The following ARMH1 variants were observed in gnomAD, a reference collection of about 807,000 sequenced individuals.
ARMH1 encodes the protein armadillo like helical domain containing 1, also known as armadillo-like helical domain containing protein 1.
A neutral mutation model predicts 50.2 loss-of-function variants in ARMH1; 34 were observed. That is an observed-to-expected ratio of 0.68 (90% confidence interval 0.51 to 0.90). The LOEUF (loss-of-function observed/expected upper bound fraction) is 0.90. Among genes scored for constraint, ARMH1 ranks in the 40% least tolerant of loss-of-function variants. The pLI is 0.00. For missense variants in ARMH1, 538 were observed against 553.9 expected (o/e 0.97, Z 0.29); for synonymous variants, 221 against 224.2 (o/e 0.99, Z 0.13).
chr1:44,686,413 C>T (rs1206332595), intron 1 of ARMH1, among the ~76,000 whole-genome samples: 5 of 152,216 alleles, frequency 3.3e-5, no homozygotes, highest in Non-Finnish European at 4.4e-5. Context: ...CAGTGGCTCA[C>T]GCCTGTAATC....
intron 6 of ARMH1, among the ~76,000 whole-genome samples, chr1:44,707,211 C>G (rs1165022905): frequency 6.6e-6 from 1 of 152,104 alleles, no homozygotes; most frequent in Non-Finnish European, 1.5e-5. Context: ...ATCCTCAGCA[C>G]AGTCCCCAGC....
chr1:44,697,438 T>C (rs1645865447), intron 3 of ARMH1, among the ~76,000 whole-genome samples: 1 of 152,116 alleles, frequency 6.6e-6, no homozygotes, highest in Non-Finnish European at 1.5e-5. Context: ...AAAGGAAAAT[T>C]AGTGGCTCAC....
chr1:44,712,533 C>T (rs561984538), intron 6 of ARMH1, among the ~76,000 whole-genome samples: 4 of 108,662 alleles, frequency 3.7e-5, no homozygotes, highest in South Asian at 2.8e-4. Flanking sequence ...TACAGGGAAC[C>T]GCAAAAAAAA....
At chr1:44,706,667 G>A (rs992526295) in intron 6 of ARMH1, among the ~76,000 whole-genome samples, 3 of 152,130 alleles carry the variant, frequency 2.0e-5, no homozygotes, top group Admixed American at 2.0e-4. Flanking sequence ...TTTGACCCCT[G>A]CAAGGTCTGT....
chr1:44,724,476 G>A lies in ARMH1; in HGVS notation c.921-63G>A, dbSNP rs1052864739. The A allele has an allele frequency of 1.3e-6, 2 of 1,509,222 alleles. No individual in the cohort carries two copies. The highest frequency in any genetic ancestry group is 4.3e-5 in the Admixed American group (2 of 46,268). 93.5% of individuals were successfully genotyped at this position (1,509,222 alleles called of 1,614,324 possible). ...GCCCCGGGAGCGCTCCGTGCGCCGG[G>A]TGGGCGGGGGTGTGCGCCGGGTGAG... On this transcript the variant is annotated intron_variant, in intron 8 of 11. Coordinates refer to ENST00000535358, the MANE Select transcript of ARMH1 (RefSeq NM_001145636.2). The surrounding 1 kb of genome is among the most constrained non-coding windows in gnomAD (Gnocchi z 6.4).
chr1:44,695,944 CAAAAAAA>C (rs11351390), intron 2 of ARMH1, among the ~76,000 whole-genome samples: 2 of 121,566 alleles, frequency 1.6e-5, no homozygotes, highest in Non-Finnish European at 3.5e-5. Flanking sequence ...GACCCTATCT[CAAAAAAA>C]AAAAAAAAAA....
At position 44,725,135 on chromosome 1, in the gene ARMH1, G is replaced by A; in HGVS notation, c.1129-1G>A. Reference sequence around the variant, plus strand: ...CGGGTCCCCCTTGCTCCTGTCCTCAGAGCAACGCTGAGGACTTGTACATGA... The same window carrying A: ...CGGGTCCCCCTTGCTCCTGTCCTCAAAGCAACGCTGAGGACTTGTACATGA... On this transcript the variant is annotated splice_acceptor_variant, in intron 10 of 11. Coordinates refer to ENST00000535358, the MANE Select transcript of ARMH1 (RefSeq NM_001145636.2). LOFTEE classifies it high-confidence loss of function. The A allele has an allele frequency of 2.6e-6, 4 of 1,551,894 alleles. No homozygotes were observed. The highest frequency in any genetic ancestry group is 3.5e-6 in the Non-Finnish European group (4 of 1,147,024).
At position 44,724,393 on chromosome 1, in the gene ARMH1, G is replaced by A. The variant is rs1427199548; in HGVS notation, c.920+1G>A. On this transcript the variant is annotated splice_donor_variant, in intron 8 of 11. Coordinates refer to ENST00000535358, the MANE Select transcript of ARMH1 (RefSeq NM_001145636.2). LOFTEE classifies it high-confidence loss of function. The surrounding 1 kb of genome is among the most constrained non-coding windows in gnomAD (Gnocchi z 6.4). ...AGGCCGCGGCCGCCAAGGCCATCGG[G>A]TAAGCGGGCAGGGGTTAGTGGGTAG... The A allele has an allele frequency of 3.2e-6, 5 of 1,549,614 alleles. No homozygotes were observed. The South Asian group carries it at 3.6e-5, about 11-fold the overall frequency.
At chr1:44,690,453 G>T (rs1447142129) in intron 2 of ARMH1, among the ~76,000 whole-genome samples, 2 of 152,014 alleles carry the variant, frequency 1.3e-5, no homozygotes, top group Non-Finnish European at 2.9e-5. Context: ...GTTGAAGTAG[G>T]TATACCTTCT....
chr1:44,703,803 T>C lies in ARMH1; in HGVS notation c.640-286T>C, dbSNP rs187920045. Among the ~76,000 whole-genome samples the C allele has an allele frequency of 2.5e-3, 370 of 150,298 alleles. 1 individual carries two copies. The highest frequency in any genetic ancestry group is 8.0e-3 in the African/African-American group (330 of 41,160). ...GTGCAGTGGCGCGATCTCGGCTCAC[T>C]GCAAGCTCTGCCTCCCGGGTTCACG... On this transcript the variant is annotated intron_variant, in intron 5 of 11. Transcript: ENST00000535358.
intron 6 of ARMH1, among the ~76,000 whole-genome samples, chr1:44,711,990 C>T (rs1646631940): frequency 6.6e-6 from 1 of 152,220 alleles, no homozygotes; most frequent in Admixed American, 6.5e-5. Context: ...GTAGATCAAA[C>T]CCAGTCAGTC....
intron 6 of ARMH1, among the ~76,000 whole-genome samples, chr1:44,721,100 G>A (rs1647094098): frequency 1.3e-5 from 2 of 150,190 alleles, no homozygotes; most frequent in African/African-American, 4.9e-5. Context: ...GCTCTCGGTG[G>A]GAAGTCTGAT....
chr1:44,689,244 G>A (rs1645577057), intron 1 of ARMH1: 1 of 169,244 alleles, frequency 5.9e-6, no homozygotes, highest in South Asian at 1.4e-4. Flanking sequence ...TGTATGTTTA[G>A]TAGAGACAGG....
At position 44,724,418 on chromosome 1, in the gene ARMH1, G is replaced by C; in HGVS notation, c.920+26G>C. On this transcript the variant is annotated intron_variant, in intron 8 of 11. Coordinates refer to ENST00000535358, the MANE Select transcript of ARMH1 (RefSeq NM_001145636.2). This position sits in a 1 kb window ranked among gnomAD's most constrained non-coding sequence, Gnocchi z 6.4. Reference sequence around the variant, plus strand: ...GTAAGCGGGCAGGGGTTAGTGGGTAGCTGCAGCAAGCCTGGCTTGGCGCTG... The same window carrying C: ...GTAAGCGGGCAGGGGTTAGTGGGTACCTGCAGCAAGCCTGGCTTGGCGCTG... 6.5e-7 allele frequency: 1 copy of C among 1,545,640 alleles called. No individual in the cohort carries two copies. Among genetic ancestry groups the C allele is most frequent in the Non-Finnish European group, 8.7e-7 (1 of 1,145,770 alleles).
At chr1:44,708,551 G>A (rs1372654966) in intron 6 of ARMH1, among the ~76,000 whole-genome samples, 1 of 152,184 alleles carries the variant, frequency 6.6e-6, no homozygotes, top group Non-Finnish European at 1.5e-5. Flanking sequence ...CCACTCCCAT[G>A]TGGCATGTGT....
At chr1:44,703,521 G>A (rs1029548080) in intron 5 of ARMH1, among the ~76,000 whole-genome samples, 6 of 146,314 alleles carry the variant, frequency 4.1e-5, no homozygotes, top group Non-Finnish European at 7.5e-5. Context: ...TCAAGAACTC[G>A]AGACCAGCCT....
chr1:44,715,810 G>A (rs370449778), intron 6 of ARMH1, among the ~76,000 whole-genome samples: 2 of 152,128 alleles, frequency 1.3e-5, no homozygotes, highest in Non-Finnish European at 2.9e-5. Flanking sequence ...TCATCTGCTC[G>A]CTTCAGCCTC....
chr1:44,689,587 A>T, intron 1 of ARMH1, 89 bp from the exon 2 acceptor site: 1 of 1,024,072 alleles, frequency 9.8e-7, no homozygotes, highest in Non-Finnish European at 1.5e-6. Context: ...ATAAAGCCAC[A>T]CCCTGCCTGC....
At chr1:44,698,561 A>G (rs1256586442) in intron 4 of ARMH1, among the ~76,000 whole-genome samples, 1 of 152,188 alleles carries the variant, frequency 6.6e-6, no homozygotes, top group Non-Finnish European at 1.5e-5. Context: ...CTGTAATCCC[A>G]GCATTTTGGG....
Sources: gnomAD v4.1 joint callset for allele counts (sites outside exome capture counted in the v4.1 genomes callset) on GRCh38, gnomAD v4.1.1 for gene constraint, Gnocchi (gnomAD v3.1) non-coding constraint, MANE v1.5 for transcripts, NCBI Gene and HGNC (gene_info 2026-07-23, HGNC 2026-07-21) for gene names.